The following XIRP2 variants were observed in gnomAD, a reference collection of about 807,000 sequenced individuals.
The protein encoded by XIRP2 is xin actin binding repeat containing 2, also known as xin actin-binding repeat-containing protein 2.
A neutral mutation model predicts 277.0 loss-of-function variants in XIRP2; 236 were observed. The observed-to-expected ratio is 0.85, with a 90% CI of 0.77 to 0.95. XIRP2 has a LOEUF of 0.95. Among genes scored for constraint, XIRP2 ranks in the 40% least tolerant of loss-of-function variants. The probability of loss-of-function intolerance (pLI) is 0.00; values close to 1 mark genes in which losing one functional copy is unlikely to be tolerated. For synonymous variants in XIRP2, 1,490 were observed against 1,416.5 expected, an observed-to-expected ratio of 1.05 and a Z score of -1.17; for missense variants, 4,640 against 4,157.5, an observed-to-expected ratio of 1.12 and a Z score of -3.19.
intron 2 of XIRP2, among the ~76,000 whole-genome samples, chr2:167,126,471 A>G (rs1252872854): frequency 1.3e-5 from 2 of 152,194 alleles, no homozygotes; most frequent in Non-Finnish European, 2.9e-5. Flanking sequence ...ACACAGGAGC[A>G]TACAGATGAG....
chr2:167,080,293 A>T (rs1689695461), intron 2 of XIRP2, among the ~76,000 whole-genome samples: 1 of 152,210 alleles, frequency 6.6e-6, no homozygotes, highest in South Asian at 2.1e-4. Flanking sequence ...GATAATGAGA[A>T]ATTTTAGAAT....
rs746449534 is a variant in XIRP2 at position 167,251,767 on chromosome 2, G to T, written c.10375G>T (p.Glu3459Ter). Residue 3459 changes from glutamate (E) to a stop codon, truncating the protein, a stop_gained, in exon 9 of 11, where the codon GAG becomes TAG. Transcript: ENST00000409195. LOFTEE classifies it high-confidence loss of function. ...CDFKHAPPTYEDVIAGHILDI... is the reference protein window; with the variant it reads ...CDFKHAPPTY ...CTTCAAGCATGCCCCACCAACCTAT[G>T]AGGATGTCATTGCTGGACATATTTT... The T allele has an allele frequency of 2.7e-5, 43 of 1,613,250 alleles. No homozygotes were observed. Among genetic ancestry groups the T allele is most frequent in the Non-Finnish European group, 3.6e-5 (42 of 1,179,598 alleles).
At chr2:167,211,904 A>G (rs1694056854) in intron 4 of XIRP2, among the ~76,000 whole-genome samples, 1 of 152,220 alleles carries the variant, frequency 6.6e-6, no homozygotes, top group South Asian at 2.1e-4. Flanking sequence ...TTAATGGAAT[A>G]TAAGAATGTT....
At chr2:167,135,809 ATCCC>A in intron 2 of XIRP2, 96 bp from the exon 3 acceptor site, 1 of 1,180,642 alleles carries the variant, frequency 8.5e-7, no homozygotes. Flanking sequence ...CATGACAGAA[ATCCC>A]TCCCTCTTTC....
intron 2 of XIRP2, among the ~76,000 whole-genome samples, chr2:166,997,155 A>G (rs1414494331): frequency 6.6e-6 from 1 of 152,214 alleles, no homozygotes; most frequent in Non-Finnish European, 1.5e-5. Flanking sequence ...TAGCACTGAT[A>G]TATTTCAAAA....
chr2:167,118,343 G>A (rs1195807517), intron 2 of XIRP2, among the ~76,000 whole-genome samples: 1 of 151,928 alleles, frequency 6.6e-6, no homozygotes, highest in Non-Finnish European at 1.5e-5. Flanking sequence ...TTAGCCAGGC[G>A]TGGTGGCATA....
At chr2:166,971,791 GT>G (rs1686584332) in intron 2 of XIRP2, among the ~76,000 whole-genome samples, 1 of 152,030 alleles carries the variant, frequency 6.6e-6, no homozygotes, top group African/African-American at 2.4e-5. Context: ...CATATCTGAG[GT>G]GGGGATATTT....
intron 2 of XIRP2, among the ~76,000 whole-genome samples, chr2:166,911,786 C>T (rs1023363563): frequency 2.6e-5 from 4 of 152,104 alleles, no homozygotes; most frequent in Admixed American, 6.5e-5. Context: ...CCTTCAGGAG[C>T]TCTTTTAGGG....
chr2:167,246,706 A>G lies in XIRP2; in HGVS notation c.5314A>G (p.Lys1772Glu). Residue 1772 changes from lysine (K) to glutamate (E), a missense_variant, in exon 9 of 11, where the codon AAG becomes GAG. Transcript: ENST00000409195. ...AGAGTCAAATGAAACACTGACAGCT[A>G]AGAAACAAGAAGGAGAGAAAGAAAT... ...HTESNETLTA[K>E]KQEGEKEIIG... 1 of 1,613,766 alleles carries G rather than the reference A, an allele frequency of 6.2e-7. No homozygotes were observed. The highest frequency in any genetic ancestry group is 8.5e-7 in the Non-Finnish European group (1 of 1,179,824).
intron 2 of XIRP2, among the ~76,000 whole-genome samples, chr2:166,943,929 A>G (rs199993451): frequency 2.0e-5 from 3 of 152,202 alleles, no homozygotes; most frequent in East Asian, 3.8e-4. Flanking sequence ...TTCTACTCCA[A>G]AAATACTCCT....
rs183964000 is a variant in XIRP2, at chr2:166,912,873, C to G, written c.408+8983C>G. ...TGTTGGAGTTTGCTGGAGGTCCACT[C>G]GAGACCGTTTCCCTGGGTATCAGCA... On this transcript the variant is annotated intron_variant, in intron 2 of 10. Transcript: ENST00000409195. 6.9e-3 allele frequency among the ~76,000 whole-genome samples: 541 copies of G among 78,124 alleles called. 5 individuals carry two copies. The highest frequency in any genetic ancestry group is 0.061 in the African/African-American group (485 of 7,898). 51.3% of individuals were successfully genotyped at this position (78,124 alleles called of 152,430 possible). A position where few individuals can be genotyped will look rare whatever the true frequency, so the allele number is the denominator to read the frequency against.
chr2:167,218,662 T>C (rs1342120734), intron 5 of XIRP2, among the ~76,000 whole-genome samples: 2 of 152,198 alleles, frequency 1.3e-5, no homozygotes, highest in African/African-American at 2.4e-5. Flanking sequence ...ATAAACTAGC[T>C]GCTGGTTATT....
chr2:167,081,825 A>C (rs542303866), intron 2 of XIRP2, among the ~76,000 whole-genome samples: 2 of 152,322 alleles, frequency 1.3e-5, no homozygotes, highest in African/African-American at 4.8e-5. Flanking sequence ...ATATCTTAGC[A>C]TGTCAGAGAG....
chr2:167,001,281 CCAAGAACA>C (rs1314851277), intron 2 of XIRP2, among the ~76,000 whole-genome samples: 2 of 152,006 alleles, frequency 1.3e-5, no homozygotes, highest in Non-Finnish European at 2.9e-5. Context: ...CCTACCTCCC[CCAAGAACA>C]CATGCACATG....
At chr2:167,240,204 GT>G (rs1695018142) in intron 6 of XIRP2, among the ~76,000 whole-genome samples, 1 of 152,030 alleles carries the variant, frequency 6.6e-6, no homozygotes, top group African/African-American at 2.4e-5. Flanking sequence ...ATGAGGTCAG[GT>G]GTTCAAGAGC....
chr2:167,107,362 A>G (rs929920622), intron 2 of XIRP2, among the ~76,000 whole-genome samples: 4 of 151,836 alleles, frequency 2.6e-5, no homozygotes, highest in African/African-American at 9.7e-5. Flanking sequence ...CTTTTGTCAA[A>G]TTGTGGAAGT....
At chr2:167,182,431 G>C (rs16853161) in intron 3 of XIRP2, among the ~76,000 whole-genome samples, 15,022 of 152,210 alleles carry the variant, frequency 0.099, 796 homozygotes, top group South Asian at 0.15. Flanking sequence ...CTACCATGCA[G>C]AGACAGGGCC....
At chr2:167,059,101 C>CTTTTTTTTTTTTT (rs572437575) in intron 2 of XIRP2, among the ~76,000 whole-genome samples, 4 of 95,974 alleles carry the variant, frequency 4.2e-5, no homozygotes, top group African/African-American at 1.4e-4. Context: ...TTTTTTTTCT[C>CTTTTTTTTTTTTT]TTTTTTTTTT....
At chr2:167,080,466 C>A (rs111447207) in intron 2 of XIRP2, among the ~76,000 whole-genome samples, 9 of 152,154 alleles carry the variant, frequency 5.9e-5, no homozygotes, top group African/African-American at 2.2e-4. Flanking sequence ...GGGCCAGAAT[C>A]TAATGGGATA....
Sources: allele counts gnomAD v4.1 joint callset (sites outside exome capture counted in the v4.1 genomes callset), GRCh38; gene constraint gnomAD v4.1.1; transcripts MANE v1.5; gene names NCBI Gene and HGNC (gene_info 2026-07-23, HGNC 2026-07-21).